The following RABGEF1 variants were observed in gnomAD, a reference collection of about 807,000 sequenced individuals.
RABGEF1 encodes rab5 GDP/GTP exchange factor.
A neutral mutation model predicts 57.3 loss-of-function variants in RABGEF1; 26 were observed. The observed-to-expected ratio is 0.45, with a 90% CI of 0.33 to 0.63. The LOEUF is 0.63. Ranked by LOEUF, RABGEF1 falls within the 20% of genes least tolerant of loss-of-function variation. RABGEF1 has a pLI of 0.02. For synonymous variants in RABGEF1, 185 were observed against 210.7 expected, an observed-to-expected ratio of 0.88 and a Z score of 1.06; for missense variants, 464 against 607.6, an observed-to-expected ratio of 0.76 and a Z score of 2.48.
chr7:66,806,271 T>C (rs1788421547), intron 8 of RABGEF1, among the ~76,000 whole-genome samples: 1 of 152,160 alleles, frequency 6.6e-6, no homozygotes, highest in African/African-American at 2.4e-5. Context: ...TCTCTAAAAA[T>C]ATGTCATGAT....
intron 3 of RABGEF1, among the ~76,000 whole-genome samples, chr7:66,777,848 T>A (rs66510832): frequency 0.064 from 9,818 of 152,292 alleles, 495 homozygotes; most frequent in South Asian, 0.16. Context: ...TAAAAATATG[T>A]ATGCAGAATG....
Position 66,809,109 on chromosome 7 carries a change from T to G in RABGEF1, c.1301T>G (p.Leu434Arg). Residue 434 changes from leucine to arginine, a missense_variant, in exon 9 of 9, where the codon CTG becomes CGG. Physicochemically the swap from Leu to Arg is moderately radical, Grantham distance 102 (BLOSUM62 -2). Transcript: ENST00000284957. The part of the protein sequence containing the change: ...QERIMNEAKK[L>R]EKDLIDWTDG... Reference sequence around the variant, plus strand: ...AGGATCATGAATGAAGCCAAGAAACTGGAAAAAGACCTCATAGATTGGACA... The same window carrying G: ...AGGATCATGAATGAAGCCAAGAAACGGGAAAAAGACCTCATAGATTGGACA... The G allele has an allele frequency of 6.2e-7, 1 of 1,614,090 alleles. No homozygotes were observed. The highest frequency in any genetic ancestry group is 8.5e-7 in the Non-Finnish European group (1 of 1,180,004).
intron 4 of RABGEF1, 140 bp from the exon 5 acceptor site, chr7:66,795,371 C>T: frequency 3.0e-6 from 2 of 676,466 alleles, no homozygotes; most frequent in Non-Finnish European, 5.3e-6. Flanking sequence ...TTTTACTCTC[C>T]TGCAGGATTA....
chr7:66,732,809 C>T (rs181483614), intron 2 of RABGEF1, among the ~76,000 whole-genome samples: 126 of 152,268 alleles, frequency 8.3e-4, no homozygotes, highest in Middle Eastern at 3.4e-3. Context: ...CGCTTTTGCT[C>T]TCGCTCTCAC....
At chr7:66,730,872 A>G (rs536212197) in intron 2 of RABGEF1, among the ~76,000 whole-genome samples, 61 of 152,134 alleles carry the variant, frequency 4.0e-4, no homozygotes, top group African/African-American at 1.2e-3. Context: ...CTTGGTTTCA[A>G]TTCTCACTTG....
intron 1 of RABGEF1, among the ~76,000 whole-genome samples, chr7:66,769,354 A>G (rs1806522615): frequency 6.6e-6 from 1 of 152,198 alleles, no homozygotes; most frequent in South Asian, 2.1e-4. Context: ...GTTTTCATTT[A>G]TGCCTGACTT....
rs1799174668 is a variant in RABGEF1 at position 66,742,287 on chromosome 7, C to A, written c.-18+1495C>A. ...TTTAAGAGTCACTGATTCATATCCG[C>A]AGGATTAAGAAATGTTCAGGATTTG... is the stretch of plus-strand genomic sequence containing the variant. On this transcript the variant is annotated intron_variant, in intron 1 of 8. Transcript: ENST00000284957. 2.0e-5 allele frequency among the ~76,000 whole-genome samples: 3 copies of A among 152,300 alleles called. No individual in the cohort carries two copies. The South Asian group carries it at 6.2e-4, about 32-fold the overall frequency.
chr7:66,672,451 C>A, the RABGEF1 span, among the ~76,000 whole-genome samples: 15 of 152,144 alleles, frequency 9.9e-5, no homozygotes, highest in East Asian at 2.7e-3. Flanking sequence ...AACAAAAAAA[C>A]AAAACAAAAC....
rs760548188 is a variant in RABGEF1 at position 66,701,517 on chromosome 7, T to TA, written c.-872-10648dup. 1.2e-3 allele frequency among the ~76,000 whole-genome samples: 179 copies of TA among 149,278 alleles called. 3 individuals carry two copies. In the East Asian group the frequency reaches 0.031, roughly 26 times the overall value. ...CTGACTCTTTTTTTTTTTTTTTTTT[T>TA]AATTTTTTGAGACAGAGTTTCGCCC... On this transcript the variant is annotated intron_variant and NMD_transcript_variant, in intron 1 of 9. Transcript: ENST00000607882.
chr7:66,759,411 G>T lies in RABGEF1; in HGVS notation c.-17-12472G>T, dbSNP rs1459469366. ...AGCCGTAAACTCTAGCAACATGTGTGAAGTGTTTTTTATTGTGAAAGCTCA... is the reference window on the plus strand; with the variant it reads ...AGCCGTAAACTCTAGCAACATGTGTTAAGTGTTTTTTATTGTGAAAGCTCA... On this transcript the variant is annotated intron_variant, in intron 1 of 8. Coordinates refer to ENST00000284957, the MANE Select transcript of RABGEF1 (RefSeq NM_014504.3). Among the ~76,000 whole-genome samples, 4 of 152,206 alleles carry T rather than the reference G, an allele frequency of 2.6e-5. No individual in the cohort carries two copies. The East Asian group carries it at 7.7e-4, about 29-fold the overall frequency.
At chr7:66,787,343 T>A (rs1268472997) in intron 4 of RABGEF1, among the ~76,000 whole-genome samples, 1 of 146,704 alleles carries the variant, frequency 6.8e-6, no homozygotes, top group African/African-American at 2.5e-5. Context: ...CTGATTTTTT[T>A]TTTTTTTTTT....
chr7:66,664,043 G>A, the RABGEF1 span, among the ~76,000 whole-genome samples: 4 of 148,390 alleles, frequency 2.7e-5, no homozygotes, highest in African/African-American at 1.0e-4. Flanking sequence ...TACTGCACTC[G>A]AGCCTGGGTG....
intron 1 of RABGEF1, among the ~76,000 whole-genome samples, chr7:66,692,349 T>A (rs2659913): frequency 0.1 from 15,694 of 152,134 alleles, 987 homozygotes; most frequent in South Asian, 0.2. Context: ...CTTCCTGGCA[T>A]CTCCTCCCAT....
chr7:66,710,659 C>T (rs1372463617), intron 1 of RABGEF1, among the ~76,000 whole-genome samples: 1 of 152,168 alleles, frequency 6.6e-6, no homozygotes, highest in East Asian at 1.9e-4. Flanking sequence ...TGTTCATATA[C>T]CATACCTGTT....
intron 2 of RABGEF1, among the ~76,000 whole-genome samples, chr7:66,717,096 CCTCA>C (rs1795496446): frequency 6.6e-6 from 1 of 152,062 alleles, no homozygotes; most frequent in Admixed American, 6.6e-5. Context: ...GTTTTTTATG[CCTCA>C]CTGTTTCCTT....
the RABGEF1 span, among the ~76,000 whole-genome samples, chr7:66,672,582 G>T: frequency 2.6e-5 from 4 of 152,192 alleles, no homozygotes; most frequent in African/African-American, 9.6e-5. Flanking sequence ...TGTCAAAGAG[G>T]ATTATATAAA....
chr7:66,715,831 A>G (rs925587237), intron 2 of RABGEF1, among the ~76,000 whole-genome samples: 1 of 152,076 alleles, frequency 6.6e-6, no homozygotes, highest in Non-Finnish European at 1.5e-5. Flanking sequence ...ATAGTGCACT[A>G]CAGTCTCCAA....
At chr7:66,716,995 T>G (rs1386228149) in intron 2 of RABGEF1, among the ~76,000 whole-genome samples, 1 of 152,168 alleles carries the variant, frequency 6.6e-6, no homozygotes, top group Admixed American at 6.5e-5. Context: ...GCCAGGCTAG[T>G]CTCAAACTCC....
At chr7:66,730,697 A>G (rs1375330604) in intron 2 of RABGEF1, among the ~76,000 whole-genome samples, 2 of 151,744 alleles carry the variant, frequency 1.3e-5, no homozygotes, top group African/African-American at 2.4e-5. Flanking sequence ...AACTGGGATT[A>G]CAGGCATCCG....
Sources: gnomAD v4.1 joint callset for allele counts (sites outside exome capture counted in the v4.1 genomes callset) on GRCh38, gnomAD v4.1.1 for gene constraint, MANE v1.5 for transcripts, NCBI Gene and HGNC (gene_info 2026-07-23, HGNC 2026-07-21) for gene names.